The following SPSB1 variants were observed in gnomAD, a reference collection of about 807,000 sequenced individuals.
SPSB1 encodes SPRY domain-containing SOCS box protein 1.
In SPSB1, 8 loss-of-function variants were observed where a neutral mutation model predicts 21.2. That is an observed-to-expected ratio of 0.38 (90% CI 0.22 to 0.68). The LOEUF (loss-of-function observed/expected upper bound fraction) is 0.68, where lower values mean the gene tolerates loss of function less well. SPSB1 is among the 30% of genes least tolerant of loss of function. The pLI is 0.53. For synonymous variants in SPSB1, 169 were observed against 161.7 expected (o/e 1.05, Z -0.34); for missense variants, 242 against 377.8 (o/e 0.64, Z 2.98).
intron 1 of SPSB1, chr1:9,339,110 C>A: frequency 8.0e-6 from 5 of 621,990 alleles, no homozygotes; most frequent in Non-Finnish European, 1.0e-5. Context: ...CCAGCCCAGG[C>A]AAGGCAGGCC....
At chr1:9,333,217 G>A (rs896152937) in intron 1 of SPSB1, among the ~76,000 whole-genome samples, 2 of 152,144 alleles carry the variant, frequency 1.3e-5, no homozygotes, top group African/African-American at 4.8e-5. Context: ...TCACTTCCTG[G>A]ACAGCAGCCT....
chr1:9,337,441 C>T (rs1208527467), intron 1 of SPSB1, among the ~76,000 whole-genome samples: 1 of 151,908 alleles, frequency 6.6e-6, no homozygotes, highest in Non-Finnish European at 1.5e-5. Flanking sequence ...TGAGATTGTT[C>T]ACTCGTTTTA....
intron 1 of SPSB1, among the ~76,000 whole-genome samples, chr1:9,297,721 G>A (rs891446127): frequency 1.3e-5 from 2 of 152,144 alleles, no homozygotes; most frequent in African/African-American, 2.4e-5. Flanking sequence ...TGAGTAAGTT[G>A]GAGTTTCTGG....
At position 9,367,500 on chromosome 1, in the gene SPSB1, G is replaced by A; in HGVS notation, c.747G>A (p.Leu249=). 6.2e-7 allele frequency: 1 copy of A among 1,612,336 alleles called. No individual in the cohort carries two copies. Among genetic ancestry groups the A allele is most frequent in the Non-Finnish European group, 8.5e-7 (1 of 1,179,464 alleles). ...GCCGTCGCTCGGTGCGCCTGGCCCT[G>A]GGGAGGGAGCGCCTGGGGGAGATCC... ...DLCRRSVRLA[L]GRERLGEIHT... The change falls in exon 3 of 3, where the codon CTG becomes CTA. Residue 249 remains leucine (L), a synonymous_variant. Coordinates refer to ENST00000328089, the MANE Select transcript of SPSB1 (RefSeq NM_025106.4). This position sits in a 1 kb window ranked among gnomAD's most constrained non-coding sequence, Gnocchi z 5.9.
In SPSB1 at chr1:9,356,302, C is replaced by T. The variant is rs775600590; in HGVS notation, c.411C>T (p.His137=). 2.8e-5 allele frequency: 45 copies of T among 1,613,618 alleles called. No homozygotes were observed. The highest frequency in any genetic ancestry group is 3.3e-4 in the Middle Eastern group (2 of 6,084). ...ACACAACCCTCGTGGGGAATAACCA[C>T]GAGTCCTGGGGCTGGGACTTGGGGC... ...VGYTTLVGNN[H]ESWGWDLGRN... The change falls in exon 2 of 3, where the codon CAC becomes CAT. Residue 137 remains histidine, a synonymous_variant. Coordinates refer to ENST00000328089, the MANE Select transcript of SPSB1 (RefSeq NM_025106.4). The surrounding 1 kb of genome is among the most constrained non-coding windows in gnomAD (Gnocchi z 7.4).
At chr1:9,299,362 G>A (rs192678831) in intron 1 of SPSB1, among the ~76,000 whole-genome samples, 76 of 152,296 alleles carry the variant, frequency 5.0e-4, no homozygotes, top group African/African-American at 1.8e-3. Flanking sequence ...ACTGGGGCTG[G>A]GCACGGTGGC....
chr1:9,365,303 G>A (rs889738342), intron 2 of SPSB1, among the ~76,000 whole-genome samples: 2 of 152,068 alleles, frequency 1.3e-5, no homozygotes, highest in East Asian at 1.9e-4. Context: ...TTTTTGTAGC[G>A]ATGAGGTCTC....
chr1:9,316,582 A>G (rs919061082), intron 1 of SPSB1, among the ~76,000 whole-genome samples: 1 of 152,110 alleles, frequency 6.6e-6, no homozygotes, highest in Non-Finnish European at 1.5e-5. Flanking sequence ...AAGCGGGTTC[A>G]GGGGCTGCCA....
At chr1:9,328,581 TC>T (rs1230950376) in intron 1 of SPSB1, among the ~76,000 whole-genome samples, 2 of 152,214 alleles carry the variant, frequency 1.3e-5, no homozygotes, top group Non-Finnish European at 2.9e-5. Context: ...AACATCTCGT[TC>T]GGGGTAACCC....
intron 1 of SPSB1, among the ~76,000 whole-genome samples, chr1:9,344,400 G>C (rs761471329): frequency 6.6e-6 from 1 of 152,106 alleles, no homozygotes; most frequent in African/African-American, 2.4e-5. Context: ...TTTCCTCACC[G>C]CCAGACAGAG....
At position 9,367,640 on chromosome 1, in the gene SPSB1, G is replaced by T; in HGVS notation, c.*65G>T. ...CCAACTCACTGAGCCGCCTGCCGCT[G>T]GGGCCGCCGCACCCTGCACCTTGGA... On this transcript the variant is annotated 3_prime_UTR_variant, in exon 3 of 3. Transcript: ENST00000328089. This position sits in a 1 kb window ranked among gnomAD's most constrained non-coding sequence, Gnocchi z 5.9. The T allele has an allele frequency of 6.6e-7, 1 of 1,520,158 alleles. No homozygotes were observed. The highest frequency in any genetic ancestry group is 8.8e-7 in the Non-Finnish European group (1 of 1,130,854). The allele number at this position is 1,520,158 out of a possible 1,614,324, so 94.2% of individuals were successfully genotyped here.
rs566035954 is a variant in SPSB1 at position 9,319,330 on chromosome 1, G to A, written c.-150+26259G>A. The stretch of plus-strand genomic sequence containing the variant: ...TGGACATGTGTGCGCTGCCCTGGCC[G>A]TGGCATGTTGCTCACCAAGGCGGGG... On this transcript the variant is annotated intron_variant, in intron 1 of 2. Coordinates refer to ENST00000328089, the MANE Select transcript of SPSB1 (RefSeq NM_025106.4). Among the ~76,000 whole-genome samples the A allele has an allele frequency of 2.2e-4, 34 of 152,348 alleles. No homozygotes were observed. In the South Asian group the frequency reaches 6.4e-3, roughly 29 times the overall value.
At chr1:9,296,428 A>AT (rs955418720) in intron 1 of SPSB1, among the ~76,000 whole-genome samples, 3 of 152,186 alleles carry the variant, frequency 2.0e-5, no homozygotes, top group African/African-American at 4.8e-5. Context: ...GCATGGGCTC[A>AT]TTTTTTTAGT....
intron 1 of SPSB1, among the ~76,000 whole-genome samples, chr1:9,334,366 A>G (rs1292258450): frequency 6.6e-6 from 1 of 151,908 alleles, no homozygotes; most frequent in Admixed American, 6.6e-5. Flanking sequence ...GATTACAGGC[A>G]TGAGCCACCG....
At chr1:9,349,077 C>T (rs547069437) in intron 1 of SPSB1, among the ~76,000 whole-genome samples, 4 of 152,252 alleles carry the variant, frequency 2.6e-5, no homozygotes, top group South Asian at 2.1e-4. Flanking sequence ...CTGGTGTCCC[C>T]GCAGGTAGCC....
chr1:9,322,901 T>G (rs965016580), intron 1 of SPSB1, among the ~76,000 whole-genome samples: 5 of 92,730 alleles, frequency 5.4e-5, no homozygotes, highest in African/African-American at 1.2e-4. Flanking sequence ...TCTCAGCCCC[T>G]TTTTTTGTTG....
At chr1:9,333,135 C>T (rs899545278) in intron 1 of SPSB1, among the ~76,000 whole-genome samples, 1 of 152,200 alleles carries the variant, frequency 6.6e-6, no homozygotes, top group Non-Finnish European at 1.5e-5. Context: ...ACATGGAACC[C>T]ACCTTCTTCG....
intron 1 of SPSB1, among the ~76,000 whole-genome samples, chr1:9,300,979 A>C (rs9435202): frequency 0.14 from 21,416 of 152,268 alleles, 2,038 homozygotes; most frequent in South Asian, 0.25. Context: ...CAGCTGCAGC[A>C]CTATAGCCCC....
intron 1 of SPSB1, among the ~76,000 whole-genome samples, chr1:9,341,766 G>A (rs1308364192): frequency 2.0e-5 from 3 of 152,062 alleles, no homozygotes; most frequent in Non-Finnish European, 4.4e-5. Context: ...ACAATAGCGC[G>A]ATCTCGTCTC....
Sources: allele counts gnomAD v4.1 joint callset (sites outside exome capture counted in the v4.1 genomes callset), GRCh38; gene constraint gnomAD v4.1.1; non-coding constraint Gnocchi (gnomAD v3.1); transcripts MANE v1.5; gene names NCBI Gene and HGNC (gene_info 2026-07-23, HGNC 2026-07-21).